Variants in ADGRV1 observed in about 807,000 individuals in gnomAD.
ADGRV1 encodes adhesion G protein-coupled receptor V1, also known as G-protein coupled receptor 98.
In ADGRV1, 359 loss-of-function variants were observed where a neutral mutation model predicts 596.2. The observed-to-expected ratio is 0.60, with a 90% CI of 0.55 to 0.66. The LOEUF (loss-of-function observed/expected upper bound fraction) is 0.66. ADGRV1 is among the 30% of genes least tolerant of loss of function. The pLI is 0.00. For missense variants in ADGRV1, 7,274 were observed against 7,575.6 expected, an observed-to-expected ratio of 0.96 and a Z score of 1.48; for synonymous variants, 2,681 against 2,679.2, an observed-to-expected ratio of 1.00 and a Z score of -0.02.
chr5:91,118,331 C>T (rs753774755), intron 87 of ADGRV1, among the ~76,000 whole-genome samples: 2 of 151,298 alleles, frequency 1.3e-5, no homozygotes, highest in Non-Finnish European at 2.9e-5. Flanking sequence ...CTTTGTGCCA[C>T]GCTATTATGG....
intron 85 of ADGRV1, among the ~76,000 whole-genome samples, chr5:91,000,092 A>G (rs543229660): frequency 3.9e-5 from 6 of 152,274 alleles, no homozygotes; most frequent in African/African-American, 1.4e-4. Flanking sequence ...AGGTATCCTC[A>G]TCATTCAGAT....
chr5:90,699,432 GA>G (rs1747616404), intron 34 of ADGRV1, among the ~76,000 whole-genome samples: 1 of 152,072 alleles, frequency 6.6e-6, no homozygotes, highest in South Asian at 2.1e-4. Flanking sequence ...TAGGGGGAAG[GA>G]AAAGAGAATC....
chr5:90,685,845 G>A lies in ADGRV1; in HGVS notation c.6340G>A (p.Asp2114Asn). The A allele has an allele frequency of 6.2e-7, 1 of 1,612,414 alleles. No individual in the cohort carries two copies. The highest frequency in any genetic ancestry group is 1.3e-5 in the African/African-American group (1 of 75,010). ...TIAQLIIIAN[D>N]DAFGTLQLSA... ...TGCGCAACTAATTATCATTGCCAAT[G>A]ATGATGCATTTGGAACTCTTCAGCT... Residue 2114 changes from aspartate (D) to asparagine (N), a missense_variant, in exon 29 of 90, where the codon GAT (aspartate) becomes AAT (asparagine). This residue lies in a region of ADGRV1 where 3,643 missense variants were observed against 3,809.2 expected (regional missense o/e 0.96). Coordinates refer to ENST00000405460, the MANE Select transcript of ADGRV1 (RefSeq NM_032119.4).
intron 86 of ADGRV1, among the ~76,000 whole-genome samples, chr5:91,084,928 G>A: frequency 6.6e-6 from 1 of 152,094 alleles, no homozygotes; most frequent in East Asian, 1.9e-4. Flanking sequence ...TGTCCTTTGT[G>A]GGGACATGGA....
chr5:90,991,899 AC>A (rs1780999140), intron 85 of ADGRV1, among the ~76,000 whole-genome samples: 1 of 152,242 alleles, frequency 6.6e-6, no homozygotes, highest in African/African-American at 2.4e-5. Context: ...GTTAGAGAGC[AC>A]ATTTACTTAT....
In ADGRV1 at chr5:90,763,337, C is replaced by G. The variant is rs1305921790; in HGVS notation, c.12153C>G (p.Asp4051Glu). 2 of 1,606,210 alleles carry G rather than the reference C, an allele frequency of 1.2e-6. No homozygotes were observed. The highest frequency in any genetic ancestry group is 1.7e-6 in the Non-Finnish European group (2 of 1,174,274). ...TTGATGAATCCCTTTCATCCGATGA[C>G]CCTGATTCATATGTGACATTGACGG... Reference protein sequence around the residue: ...VMIDESLSSDDPDSYVTLTVV... With the variant: ...VMIDESLSSDEPDSYVTLTVV... The change falls in exon 59 of 90, where the codon GAC becomes GAG. Residue 4051 changes from aspartate (D) to glutamate (E), a missense_variant. Coordinates refer to ENST00000405460, the MANE Select transcript of ADGRV1 (RefSeq NM_032119.4).
chr5:91,016,790 A>G (rs373920109), intron 85 of ADGRV1, among the ~76,000 whole-genome samples: 3 of 151,942 alleles, frequency 2.0e-5, no homozygotes, highest in Admixed American at 6.6e-5. Flanking sequence ...AGCACCTTCT[A>G]TGTGCCAATT....
chr5:90,722,951 G>A (rs1056468342), intron 45 of ADGRV1, among the ~76,000 whole-genome samples: 1 of 151,932 alleles, frequency 6.6e-6, no homozygotes, highest in African/African-American at 2.4e-5. Context: ...GAGACTTAGG[G>A]GACCTGGTAG....
chr5:90,608,395 A>G (rs1762357074), intron 1 of ADGRV1, among the ~76,000 whole-genome samples: 1 of 152,154 alleles, frequency 6.6e-6, no homozygotes, highest in Non-Finnish European at 1.5e-5. Context: ...AGAACACTTT[A>G]CAATGAGAAG....
At chr5:91,136,989 A>G (rs1397644894) in intron 87 of ADGRV1, among the ~76,000 whole-genome samples, 1 of 152,248 alleles carries the variant, frequency 6.6e-6, no homozygotes, top group African/African-American at 2.4e-5. Context: ...TAAGAAAAAG[A>G]AATGCTCTGT....
intron 85 of ADGRV1, among the ~76,000 whole-genome samples, chr5:91,020,089 C>T (rs890797174): frequency 1.3e-5 from 2 of 151,682 alleles, no homozygotes; most frequent in African/African-American, 4.8e-5. Context: ...ATAGTTACGG[C>T]ATATTGGCTA....
intron 65 of ADGRV1, 89 bp from the exon 66 acceptor site, chr5:90,783,035 T>C (rs1052102325): frequency 1.8e-5 from 18 of 991,854 alleles, no homozygotes; most frequent in Non-Finnish European, 2.5e-5. Context: ...TTTGTGCCAT[T>C]ATGTTTAATT....
At chr5:90,862,721 CAA>C (rs1388335923) in intron 82 of ADGRV1, among the ~76,000 whole-genome samples, 2 of 152,192 alleles carry the variant, frequency 1.3e-5, no homozygotes, top group Non-Finnish European at 2.9e-5. Context: ...TTGACTAACG[CAA>C]AGCTTCCCTT....
intron 85 of ADGRV1, among the ~76,000 whole-genome samples, chr5:91,021,412 A>G (rs535494510): frequency 6.6e-6 from 1 of 152,230 alleles, no homozygotes; most frequent in South Asian, 2.1e-4. Flanking sequence ...AAGTACAGAA[A>G]ATCCAATTTG....
intron 88 of ADGRV1, 96 bp from the exon 89 acceptor site, chr5:91,153,125 C>T (rs780502231): frequency 4.7e-5 from 46 of 968,558 alleles, no homozygotes; most frequent in Middle Eastern, 2.1e-4. Flanking sequence ...GGTCTTTGTA[C>T]GGAGAGGCAG....
intron 85 of ADGRV1, among the ~76,000 whole-genome samples, chr5:91,029,558 A>C (rs2151221113): frequency 6.6e-6 from 1 of 152,286 alleles, no homozygotes; most frequent in Non-Finnish European, 1.5e-5. Flanking sequence ...ATTACTCTGA[A>C]AAATGGTTGC....
intron 77 of ADGRV1, among the ~76,000 whole-genome samples, chr5:90,832,919 A>G (rs149176599): frequency 6.6e-6 from 1 of 152,002 alleles, no homozygotes; most frequent in African/African-American, 2.4e-5. Flanking sequence ...AGAAGTACGG[A>G]TTTGTTTCTG....
intron 83 of ADGRV1, among the ~76,000 whole-genome samples, chr5:90,935,291 A>C (rs1581567280): frequency 6.6e-6 from 1 of 152,242 alleles, no homozygotes; most frequent in East Asian, 1.9e-4. Context: ...ATACTTTCAC[A>C]TACTCCATAG....
chr5:90,620,398 C>T (rs374124486), intron 4 of ADGRV1, among the ~76,000 whole-genome samples: 8 of 152,224 alleles, frequency 5.3e-5, no homozygotes, highest in African/African-American at 9.6e-5. Context: ...ATAAATGTCT[C>T]CTTTTGAGAA....
Sources: allele counts gnomAD v4.1 joint callset (sites outside exome capture counted in the v4.1 genomes callset), GRCh38; gene constraint gnomAD v4.1.1; regional missense constraint gnomAD v4.1.1; transcripts MANE v1.5; gene names NCBI Gene and HGNC (gene_info 2026-07-23, HGNC 2026-07-21).